TBPL1: variants seen among roughly 807,000 people sequenced by gnomAD.
TBPL1 encodes TATA box-binding protein-like 1.
TBPL1 carries 4 observed loss-of-function variants against 22.1 expected under a neutral mutation model. The observed-to-expected ratio is 0.18, with a 90% confidence interval of 0.09 to 0.41. The LOEUF (loss-of-function observed/expected upper bound fraction) is 0.41. Ranked by LOEUF, TBPL1 falls within the 10% of genes least tolerant of loss-of-function variation. The pLI is 1.00. For missense variants in TBPL1, 115 were observed against 222.3 expected (o/e 0.52, Z 3.07); for synonymous variants, 64 against 71.0 (o/e 0.90, Z 0.50).
At chr6:133,971,250 C>T (rs1006175338) in intron 1 of TBPL1, among the ~76,000 whole-genome samples, 2 of 152,048 alleles carry the variant, frequency 1.3e-5, no homozygotes, top group African/African-American at 2.4e-5. Flanking sequence ...GGTTCACTAA[C>T]GTCACAAATG....
chr6:133,982,102 A>G lies in TBPL1; in HGVS notation c.136-466A>G, dbSNP rs775334029. Among the ~76,000 whole-genome samples, 22 of 152,310 alleles carry G rather than the reference A, an allele frequency of 1.4e-4. No homozygotes were observed. In the South Asian group the frequency reaches 2.5e-3, roughly 17 times the overall value. On this transcript the variant is annotated intron_variant, in intron 2 of 6. Coordinates refer to ENST00000237264, the MANE Select transcript of TBPL1 (RefSeq NM_004865.4). ...CAATGAAGGGATGGGTGTTTCAGGGAAATGATTAGGGAGGGCCTCTCTTCA... is the reference window on the plus strand; with the variant it reads ...CAATGAAGGGATGGGTGTTTCAGGGGAATGATTAGGGAGGGCCTCTCTTCA...
At chr6:133,984,710 A>G in intron 6 of TBPL1, 39 bp downstream of exon 6, 1 of 1,479,688 alleles carries the variant, frequency 6.8e-7, no homozygotes, top group Non-Finnish European at 9.4e-7. Flanking sequence ...TCAATTATGG[A>G]TTGAATGATA....
intron 1 of TBPL1, among the ~76,000 whole-genome samples, chr6:133,954,136 T>G (rs1775886444): frequency 6.6e-6 from 1 of 152,218 alleles, no homozygotes; most frequent in Non-Finnish European, 1.5e-5. Context: ...GAGATGTGCA[T>G]CTGCAGGCTC....
At chr6:133,966,867 G>C (rs780962685) in intron 1 of TBPL1, among the ~76,000 whole-genome samples, 1 of 152,152 alleles carries the variant, frequency 6.6e-6, no homozygotes. Context: ...CTGGACTGCT[G>C]TGCTACCCAT....
Position 133,980,279 on chromosome 6 carries a change from G to A in TBPL1, c.135+19G>A, listed in dbSNP as rs368061809. The stretch of plus-strand genomic sequence containing the variant: ...TGTTGGAGTAAGTATCTGAGTTTTC[G>A]TATTTGTACTACATAGCCTAATTTT... On this transcript the variant is annotated intron_variant, in intron 2 of 6. Coordinates refer to ENST00000237264, the MANE Select transcript of TBPL1 (RefSeq NM_004865.4). The A allele has an allele frequency of 1.6e-5, 26 of 1,591,946 alleles. No individual in the cohort carries two copies. The Middle Eastern group carries it at 6.0e-4, about 37-fold the overall frequency.
intron 1 of TBPL1, among the ~76,000 whole-genome samples, chr6:133,953,783 C>T (rs1341483556): frequency 2.6e-5 from 4 of 152,054 alleles, no homozygotes; most frequent in Non-Finnish European, 5.9e-5. Flanking sequence ...AAAGAGATTC[C>T]TCATCTGTCT....
intron 1 of TBPL1, among the ~76,000 whole-genome samples, chr6:133,977,180 G>A (rs1486553034): frequency 6.6e-6 from 1 of 151,900 alleles, no homozygotes; most frequent in Non-Finnish European, 1.5e-5. Context: ...CTTTTATGTA[G>A]GTTGCCTCTT....
intron 1 of TBPL1, among the ~76,000 whole-genome samples, chr6:133,953,934 G>T (rs1264558136): frequency 6.6e-6 from 1 of 152,104 alleles, no homozygotes; most frequent in African/African-American, 2.4e-5. Flanking sequence ...CGGCAGCCTC[G>T]CTTTATTTTA....
intron 1 of TBPL1, among the ~76,000 whole-genome samples, chr6:133,956,439 G>C (rs1173089523): frequency 6.6e-6 from 1 of 152,144 alleles, no homozygotes; most frequent in Non-Finnish European, 1.5e-5. Context: ...AATAAAACAT[G>C]ACAGACACAA....
chr6:133,971,744 G>A (rs1351789102), intron 1 of TBPL1, among the ~76,000 whole-genome samples: 1 of 152,066 alleles, frequency 6.6e-6, no homozygotes, highest in Non-Finnish European at 1.5e-5. Flanking sequence ...TTTGAGAAGT[G>A]TCTGTTAAGG....
Position 133,980,222 on chromosome 6 carries a change from T to A in TBPL1, c.97T>A (p.Leu33Met). 1 of 1,609,904 alleles carries A rather than the reference T, an allele frequency of 6.2e-7. No homozygotes were observed. The highest frequency in any genetic ancestry group is 8.5e-7 in the Non-Finnish European group (1 of 1,178,392). The change falls in exon 2 of 7, where the codon TTG (leucine) becomes ATG (methionine). Residue 33 changes from leucine to methionine, a missense_variant. By Grantham distance (15) the Leu-to-Met change is conservative. Transcript: ENST00000237264. ...RCHLNLRKIA[L>M]EGANVIYKRD... ...TCATTTAAACTTAAGGAAGATTGCT[T>A]TGGAAGGAGCAAATGTAATTTATAA...
In TBPL1 at chr6:133,965,154, G is replaced by A. The variant is rs78084806; in HGVS notation, c.-45+11729G>A. On this transcript the variant is annotated intron_variant, in intron 1 of 6. Coordinates refer to ENST00000237264, the MANE Select transcript of TBPL1 (RefSeq NM_004865.4). ...AAACTAATAATCTTTTAAAAATTAT[G>A]CTGTTTTGTTAGCATTAATTTAATG... is the stretch of plus-strand genomic sequence containing the variant. Among the ~76,000 whole-genome samples the A allele has an allele frequency of 3.5e-4, 54 of 152,258 alleles. 1 individual carries two copies. In the East Asian group the frequency reaches 9.8e-3, roughly 28 times the overall value.
chr6:133,980,482 G>A (rs1356135726), intron 2 of TBPL1, among the ~76,000 whole-genome samples: 1 of 152,070 alleles, frequency 6.6e-6, no homozygotes, highest in Non-Finnish European at 1.5e-5. Flanking sequence ...GAACTCATTG[G>A]TTACAGAGAC....
In TBPL1 at chr6:133,984,702, A is replaced by G. The variant is rs1192244272; in HGVS notation, c.481+31A>G. The G allele has an allele frequency of 2.0e-6, 3 of 1,521,948 alleles. No homozygotes were observed. In the African/African-American group the frequency reaches 4.1e-5, roughly 21 times the overall value. 94.3% of individuals were successfully genotyped at this position (1,521,948 alleles called of 1,614,324 possible). ...CTATGATATTGAAACCACACTTATC[A>G]ATTATGGATTGAATGATACAAGATG... On this transcript the variant is annotated intron_variant, in intron 6 of 6. Coordinates refer to ENST00000237264, the MANE Select transcript of TBPL1 (RefSeq NM_004865.4).
rs773188632 is a variant in TBPL1, at chr6:133,980,117, A to G, written c.-9A>G. ...TCGTGGTGGAAAGCTAAATTTTAAA[A>G]CCACCCCAATGGATGCAGACAGTGA... On this transcript the variant is annotated 5_prime_UTR_variant, in exon 2 of 7. Coordinates refer to ENST00000237264, the MANE Select transcript of TBPL1 (RefSeq NM_004865.4). 5.4e-6 allele frequency: 8 copies of G among 1,488,306 alleles called. No homozygotes were observed. The highest frequency in any genetic ancestry group is 1.4e-5 in the African/African-American group (1 of 69,832). 92.2% of individuals were successfully genotyped at this position (1,488,306 alleles called of 1,614,324 possible).
rs559233512 is a variant in TBPL1, at chr6:133,981,668, G to T, written c.136-900G>T. Among the ~76,000 whole-genome samples the T allele has an allele frequency of 1.1e-4, 16 of 152,252 alleles. No individual in the cohort carries two copies. The South Asian group carries it at 3.3e-3, about 32-fold the overall frequency. On this transcript the variant is annotated intron_variant, in intron 2 of 6. Coordinates refer to ENST00000237264, the MANE Select transcript of TBPL1 (RefSeq NM_004865.4). ...TCTGCCCAGATTTAATAGCTTTCTAGTTTGATAATATGGCATATGACAGAG... is the reference window on the plus strand; with the variant it reads ...TCTGCCCAGATTTAATAGCTTTCTATTTTGATAATATGGCATATGACAGAG...
chr6:133,980,793 T>C (rs1398096015), intron 2 of TBPL1, among the ~76,000 whole-genome samples: 1 of 151,640 alleles, frequency 6.6e-6, no homozygotes, highest in East Asian at 1.9e-4. Flanking sequence ...CCTTAGTGTT[T>C]TGAGATTAAC....
intron 6 of TBPL1, among the ~76,000 whole-genome samples, chr6:133,985,058 T>C (rs1776483053): frequency 6.6e-6 from 1 of 151,570 alleles, no homozygotes. Context: ...GGCGGGCTTA[T>C]CACAAGGTCA....
chr6:133,980,921 T>G (rs1776400797), intron 2 of TBPL1, among the ~76,000 whole-genome samples: 1 of 151,652 alleles, frequency 6.6e-6, no homozygotes, highest in Non-Finnish European at 1.5e-5. Flanking sequence ...CTTTAAAAAT[T>G]AGATGCCAGG....
Sources: gnomAD v4.1 joint callset for allele counts (sites outside exome capture counted in the v4.1 genomes callset) on GRCh38, gnomAD v4.1.1 for gene constraint, MANE v1.5 for transcripts, NCBI Gene and HGNC (gene_info 2026-07-23, HGNC 2026-07-21) for gene names.